Variants in ANO10 observed in about 807,000 individuals in gnomAD.
The protein encoded by ANO10 is anoctamin-10.
In ANO10, 77 loss-of-function variants were observed where a neutral mutation model predicts 74.7. That is an observed-to-expected ratio of 1.03 (90% confidence interval 0.86 to 1.25). The LOEUF (loss-of-function observed/expected upper bound fraction) is 1.25. Ranked by LOEUF, ANO10 falls within the 50% of genes most tolerant of loss-of-function variation. ANO10 has a pLI of 0.00. For missense variants in ANO10, 721 were observed against 778.1 expected, an observed-to-expected ratio of 0.93 and a Z score of 0.87; for synonymous variants, 279 against 284.9, an observed-to-expected ratio of 0.98 and a Z score of 0.21.
At chr3:43,643,024 CTTTTCTT>C (rs758931638) in intron 1 of ANO10, among the ~76,000 whole-genome samples, 5 of 150,692 alleles carry the variant, frequency 3.3e-5, no homozygotes, top group East Asian at 1.9e-4. Flanking sequence ...GATGTATTTT[CTTTTCTT>C]TTTTCTTTTT....
At chr3:43,656,799 G>C (rs1175230720) in intron 1 of ANO10, among the ~76,000 whole-genome samples, 5 of 152,224 alleles carry the variant, frequency 3.3e-5, no homozygotes, top group Non-Finnish European at 5.9e-5. Context: ...GTTCCTGCTC[G>C]CGCCTCTCCC....
chr3:43,451,593 T>C (rs549825188), intron 11 of ANO10, among the ~76,000 whole-genome samples: 1 of 151,928 alleles, frequency 6.6e-6, no homozygotes, highest in Non-Finnish European at 1.5e-5. Context: ...TATGGCTTTG[T>C]CTAGGTGGTG....
chr3:43,478,172 C>T (rs2076145576), intron 11 of ANO10, among the ~76,000 whole-genome samples: 1 of 152,302 alleles, frequency 6.6e-6, no homozygotes, highest in Admixed American at 6.5e-5. Context: ...AGTTAGTGAG[C>T]TGTCTATACA....
intron 12 of ANO10, among the ~76,000 whole-genome samples, chr3:43,420,056 C>T: frequency 6.6e-6 from 1 of 152,160 alleles, no homozygotes; most frequent in East Asian, 1.9e-4. Context: ...ATTTCCTAGC[C>T]TATCAATCAC....
chr3:43,641,042 C>G (rs1167901826), intron 1 of ANO10, among the ~76,000 whole-genome samples: 1 of 152,196 alleles, frequency 6.6e-6, no homozygotes, highest in African/African-American at 2.4e-5. Flanking sequence ...TGGAACCACT[C>G]AGAATCCATC....
chr3:43,680,392 A>G (rs1322245023), intron 1 of ANO10, among the ~76,000 whole-genome samples: 1 of 152,212 alleles, frequency 6.6e-6, no homozygotes, highest in Non-Finnish European at 1.5e-5. Flanking sequence ...GAGAAAAAAG[A>G]ATAAAAAGAA....
intron 11 of ANO10, among the ~76,000 whole-genome samples, chr3:43,514,480 A>C (rs1012103238): frequency 6.6e-6 from 1 of 152,220 alleles, no homozygotes; most frequent in Non-Finnish European, 1.5e-5. Flanking sequence ...AAAAAGAAGC[A>C]AAAAGTGATA....
At chr3:43,555,963 T>C (rs747128616) in intron 9 of ANO10, among the ~76,000 whole-genome samples, 2 of 152,194 alleles carry the variant, frequency 1.3e-5, no homozygotes, top group African/African-American at 2.4e-5. Context: ...TCACTGGCTA[T>C]TTTCGAGGTT....
At chr3:43,685,709 T>C (rs940523121) in intron 1 of ANO10, among the ~76,000 whole-genome samples, 2 of 152,246 alleles carry the variant, frequency 1.3e-5, no homozygotes, top group Non-Finnish European at 2.9e-5. Flanking sequence ...TCAGCCTTTT[T>C]TATTGATGAG....
chr3:43,460,352 C>A (rs1047982185), intron 11 of ANO10, among the ~76,000 whole-genome samples: 1 of 152,188 alleles, frequency 6.6e-6, no homozygotes, highest in Non-Finnish European at 1.5e-5. Flanking sequence ...CAAATGGCTG[C>A]AGCTAAGTAA....
At chr3:43,642,788 C>T (rs1168678048) in intron 1 of ANO10, among the ~76,000 whole-genome samples, 1 of 151,908 alleles carries the variant, frequency 6.6e-6, no homozygotes, top group Non-Finnish European at 1.5e-5. Context: ...ATATAGCATA[C>T]TATACTAACT....
At chr3:43,582,551 T>TTACTTTG (rs1444879600) in intron 4 of ANO10, among the ~76,000 whole-genome samples, 1 of 152,046 alleles carries the variant, frequency 6.6e-6, no homozygotes, top group African/African-American at 2.4e-5. Context: ...AACTTAAAAG[T>TTACTTTG]AAACCCAACT....
chr3:43,651,342 C>T (rs939355303), intron 1 of ANO10, among the ~76,000 whole-genome samples: 1 of 152,108 alleles, frequency 6.6e-6, no homozygotes. Flanking sequence ...TATAATCTTA[C>T]GCCATAAAGA....
intron 1 of ANO10, among the ~76,000 whole-genome samples, chr3:43,670,406 A>G (rs1319937813): frequency 1.3e-5 from 2 of 152,092 alleles, no homozygotes; most frequent in East Asian, 1.9e-4. Context: ...TGGGAGATTT[A>G]TGCTTAAGAG....
intron 4 of ANO10, among the ~76,000 whole-genome samples, chr3:43,587,758 A>G (rs1333821150): frequency 1.3e-5 from 2 of 152,186 alleles, no homozygotes; most frequent in Non-Finnish European, 2.9e-5. Flanking sequence ...ACACAGTAAT[A>G]TCCTCAATAT....
At position 43,487,770 on chromosome 3, in the gene ANO10, A is replaced by C. The variant is rs564051748; in HGVS notation, c.1798-55043T>G. Reference sequence around the variant, plus strand: ...CAAAAAACCAGCTCCTGGATTCATTAATTTTTCGAAGGGTTTTTTGTGTCT... The same window carrying C: ...CAAAAAACCAGCTCCTGGATTCATTCATTTTTCGAAGGGTTTTTTGTGTCT... On this transcript the variant is annotated intron_variant, in intron 11 of 12. Transcript: ENST00000292246. Among the ~76,000 whole-genome samples, 6 of 152,070 alleles carry C rather than the reference A, an allele frequency of 3.9e-5. No individual in the cohort carries two copies. The South Asian group carries it at 1.0e-3, about 26-fold the overall frequency.
At chr3:43,592,253 T>C (rs1009962784) in intron 4 of ANO10, among the ~76,000 whole-genome samples, 2 of 152,182 alleles carry the variant, frequency 1.3e-5, no homozygotes, top group African/African-American at 4.8e-5. Context: ...AGAGTAGTGG[T>C]TCTCCCAGCA....
chr3:43,414,539 CTTCAT>C (rs1490832136), intron 12 of ANO10, among the ~76,000 whole-genome samples: 6 of 152,150 alleles, frequency 3.9e-5, no homozygotes, highest in African/African-American at 1.4e-4. Flanking sequence ...TGATACCACT[CTTCAT>C]TTCTAGAAAT....
chr3:43,406,846 C>G (rs1183921421), intron 12 of ANO10, among the ~76,000 whole-genome samples: 1 of 152,074 alleles, frequency 6.6e-6, no homozygotes, highest in Admixed American at 6.5e-5. Context: ...CAACTGAACA[C>G]CTGAGAAAGT....
Sources: gnomAD v4.1 joint callset for allele counts (sites outside exome capture counted in the v4.1 genomes callset) on GRCh38, gnomAD v4.1.1 for gene constraint, MANE v1.5 for transcripts, NCBI Gene and HGNC (gene_info 2026-07-23, HGNC 2026-07-21) for gene names.